The following CCT8L2 variants were observed in gnomAD, a reference collection of about 807,000 sequenced individuals.
The protein encoded by CCT8L2 is T-complex protein 1 subunit theta-like 2.
In CCT8L2, 29 loss-of-function variants were observed where a neutral mutation model predicts 31.5. The observed-to-expected ratio is 0.92, with a 90% confidence interval of 0.68 to 1.25. The LOEUF (loss-of-function observed/expected upper bound fraction) is 1.25, where lower values mean the gene tolerates loss of function less well. CCT8L2 is among the 50% of genes most tolerant of loss of function. The probability of loss-of-function intolerance (pLI) is 0.00; values close to 1 mark genes in which losing one functional copy is unlikely to be tolerated. For synonymous variants in CCT8L2, 256 were observed against 290.1 expected (o/e 0.88, Z 1.19); for missense variants, 589 against 695.7 (o/e 0.85, Z 1.73).
rs1473367378 is a variant in CCT8L2, at chr22:16,591,062, G to A, written c.1489C>T (p.Leu497=). 1.2e-6 allele frequency: 2 copies of A among 1,613,952 alleles called. No homozygotes were observed. The highest frequency in any genetic ancestry group is 1.3e-5 in the African/African-American group (1 of 75,036). ...NVAQEGVWDT[L]IVKAQGFRAV... ...CGAAATCCTTGGGCTTTGACTATTA[G>A]GGTGTCCCACACCCCTTCCTGGGCC... The change falls in exon 1 of 1, where the codon CTA becomes TTA. Residue 497 remains leucine (L), a synonymous_variant. Coordinates refer to ENST00000359963, the MANE Select transcript of CCT8L2 (RefSeq NM_014406.5).
Position 16,591,093 on chromosome 22 carries a change from T to C in CCT8L2, c.1458A>G (p.Ile486Met). Residue 486 changes from isoleucine to methionine, a missense_variant, in exon 1 of 1, where the codon ATA becomes ATG. By Grantham distance (10) the Ile-to-Met change is conservative. Coordinates refer to ENST00000359963, the MANE Select transcript of CCT8L2 (RefSeq NM_014406.5). ...CCCACACCCCTTCCTGGGCCACATTTATTATCCCTTCAGTTCCCACACCCA... is the reference window on the plus strand; with the variant it reads ...CCCACACCCCTTCCTGGGCCACATTCATTATCCCTTCAGTTCCCACACCCA... The part of the protein sequence containing the change: ...LLMGVGTEGI[I>M]NVAQEGVWDT... The C allele has an allele frequency of 6.2e-7, 1 of 1,614,014 alleles. No individual in the cohort carries two copies. The highest frequency in any genetic ancestry group is 8.5e-7 in the Non-Finnish European group (1 of 1,179,866).
In CCT8L2 at chr22:16,591,173, C is replaced by G. The variant is rs747634629; in HGVS notation, c.1378G>C (p.Val460Leu). ...CTCATTTCTGCCATCACGTCTGAGA[C>G]AGCTAAGCCTGCATTCTCTGCCAAA... ...KTLAENAGLA[V>L]SDVMAEMSGV... is the part of the protein sequence containing the mutation. Residue 460 changes from valine to leucine, a missense_variant, in exon 1 of 1, where the codon GTC becomes CTC. By Grantham distance (32) the Val-to-Leu change is conservative. Coordinates refer to ENST00000359963, the MANE Select transcript of CCT8L2 (RefSeq NM_014406.5). 5 of 1,613,952 alleles carry G rather than the reference C, an allele frequency of 3.1e-6. No homozygotes were observed. Among genetic ancestry groups the G allele is most frequent in the Non-Finnish European group, 4.2e-6 (5 of 1,179,896 alleles).
rs781004037 is a variant in CCT8L2 at position 16,591,965 on chromosome 22, C to T, written c.586G>A (p.Gly196Ser). Residue 196 changes from glycine to serine, a missense_variant, in exon 1 of 1, where the codon GGC becomes AGC. Gly to Ser is a moderately conservative substitution (Grantham distance 56). Transcript: ENST00000359963. ...CCAACACGCTCAGGCTTGAAGCTGC[C>T]GTCTAGTTCCTTGATAGCCCAGCAG... ...HACWAIKELD[G>S]SFKPERVGVC... The T allele has an allele frequency of 1.9e-6, 3 of 1,614,018 alleles. No homozygotes were observed. Among genetic ancestry groups the T allele is most frequent in the Non-Finnish European group, 1.7e-6 (2 of 1,180,020 alleles).
In CCT8L2 at chr22:16,592,459, G is replaced by A. The variant is rs143019812; in HGVS notation, c.92C>T (p.Pro31Leu). 2.5e-6 allele frequency: 4 copies of A among 1,614,144 alleles called. No homozygotes were observed. The highest frequency in any genetic ancestry group is 2.2e-5 in the East Asian group (1 of 44,876). Reference protein sequence around the residue: ...ESPRSPEEEEPHLLSSLAAVQ... With the variant: ...ESPRSPEEEELHLLSSLAAVQ... ...TGCAGCCAAGCTGCTCAGCAGGTGG[G>A]GCTCCTCCTCTTCTGGACTCCTCGG... The change falls in exon 1 of 1, where the codon CCC becomes CTC. Residue 31 changes from proline to leucine, a missense_variant. Pro to Leu is a moderately conservative substitution (Grantham distance 98, BLOSUM62 -3). Transcript: ENST00000359963.
At position 16,591,980 on chromosome 22, in the gene CCT8L2, T is replaced by C; in HGVS notation, c.571A>G (p.Ile191Val). The C allele has an allele frequency of 1.9e-6, 3 of 1,614,132 alleles. No individual in the cohort carries two copies. The highest frequency in any genetic ancestry group is 4.5e-5 in the East Asian group (2 of 44,880). Residue 191 changes from isoleucine to valine, a missense_variant, in exon 1 of 1, where the codon ATC (isoleucine) becomes GTC (valine). Physicochemically the swap from Ile to Val is conservative, Grantham distance 29. Transcript: ENST00000359963. ...TTGAAGCTGCCGTCTAGTTCCTTGA[T>C]AGCCCAGCAGGCGTGGGCCACCAGC... is the stretch of plus-strand genomic sequence containing the variant. ...TKLVAHACWAIKELDGSFKPE... is the reference protein window; with the variant it reads ...TKLVAHACWAVKELDGSFKPE...
At position 16,590,991 on chromosome 22, in the gene CCT8L2, G is replaced by T. The variant is rs529271182; in HGVS notation, c.1560C>A (p.Ile520=). Residue 520 remains isoleucine, a synonymous_variant, in exon 1 of 1, where the codon ATC becomes ATA. Transcript: ENST00000359963. The stretch of plus-strand genomic sequence containing the variant: ...GTGTGGGACTTTTCTTGGCCACTAC[G>T]ATTTCATCTACAGTCACGAGCTGTA... ...VVLQLVTVDE[I]VVAKKSPTHQ... The T allele has an allele frequency of 1.9e-6, 3 of 1,613,740 alleles. No individual in the cohort carries two copies. Among genetic ancestry groups the T allele is most frequent in the Non-Finnish European group, 2.5e-6 (3 of 1,179,854 alleles).
rs762139620 is a variant in CCT8L2, at chr22:16,592,225, A to G, written c.326T>C (p.Val109Ala). ...ENSGDGTAFVVLLTEALLEQA... is the reference protein window; with the variant it reads ...ENSGDGTAFVALLTEALLEQA... ...TTCCAGCAAGGCTTCCGTCAGCAGA[A>G]CCACGAAGGCTGTGCCGTCCCCACT... Residue 109 changes from valine (V) to alanine (A), a missense_variant, in exon 1 of 1, where the codon GTT becomes GCT. By Grantham distance (64) the Val-to-Ala change is moderately conservative (BLOSUM62 0). Transcript: ENST00000359963. 20 of 1,614,090 alleles carry G rather than the reference A, an allele frequency of 1.2e-5. No homozygotes were observed. The highest frequency in any genetic ancestry group is 1.0e-4 in the Admixed American group (6 of 59,998).
chr22:16,591,286 A>T lies in CCT8L2; in HGVS notation c.1265T>A (p.Met422Lys), dbSNP rs1568981662. ...CAATCTGCTTCCTTTATCAGAAAGC[A>T]TTTTTGCCAAAGCCATTTCTGTGGC... ...AGATEMALAKMLSDKGSRLEG... is the reference protein window; with the variant it reads ...AGATEMALAKKLSDKGSRLEG... The change falls in exon 1 of 1, where the codon ATG becomes AAG. Residue 422 changes from methionine (M) to lysine (K), a missense_variant. By Grantham distance (95) the Met-to-Lys change is moderately conservative. Transcript: ENST00000359963. 1.9e-6 allele frequency: 3 copies of T among 1,613,920 alleles called. No individual in the cohort carries two copies. Among genetic ancestry groups the T allele is most frequent in the Non-Finnish European group, 8.5e-7 (1 of 1,179,878 alleles).
Position 16,591,861 on chromosome 22 carries a change from C to A in CCT8L2, c.690G>T (p.Gly230=), listed in dbSNP as rs775238647. 5.0e-6 allele frequency: 8 copies of A among 1,614,054 alleles called. No individual in the cohort carries two copies. The highest frequency in any genetic ancestry group is 5.9e-6 in the Non-Finnish European group (7 of 1,180,038). ...PGLAISGKLC[G]QMATVLSGAR... is the part of the protein sequence containing the mutation. Reference sequence around the variant, plus strand: ...CACCACTTAACACTGTGGCCATTTGCCCACAGAGCTTCCCAGATATTGCTA... The same window carrying A: ...CACCACTTAACACTGTGGCCATTTGACCACAGAGCTTCCCAGATATTGCTA... The change falls in exon 1 of 1, where the codon GGG becomes GGT. Residue 230 remains glycine, a synonymous_variant. Transcript: ENST00000359963.
Position 16,590,827 on chromosome 22 carries a change from T to C in CCT8L2, c.*50A>G, listed in dbSNP as rs955969048. On this transcript the variant is annotated 3_prime_UTR_variant, in exon 1 of 1. Transcript: ENST00000359963. ...ACGGAATAAAGGCAAACATTCATTT[T>C]TGGGGTGATTGTTCCCTTCTTGGCA... 7.3e-6 allele frequency: 9 copies of C among 1,236,880 alleles called. No individual in the cohort carries two copies. The African/African-American group carries it at 9.1e-5, about 12-fold the overall frequency. The allele number at this position is 1,236,880 out of a possible 1,614,324, so 76.6% of individuals were successfully genotyped here. A position where few individuals can be genotyped will look rare whatever the true frequency, so the allele number is the denominator to read the frequency against.
Position 16,592,495 on chromosome 22 carries a change from G to C in CCT8L2, c.56C>G (p.Pro19Arg), listed in dbSNP as rs772770356. ...LELPQRLALN[P>R]RESPRSPEEE... The stretch of plus-strand genomic sequence containing the variant: ...TTCTGGACTCCTCGGGCTCTCCCTT[G>C]GGTTCAGTGCCAGCCGCTGGGGCAG... The change falls in exon 1 of 1, where the codon CCA becomes CGA. Residue 19 changes from proline to arginine, a missense_variant. Transcript: ENST00000359963. 1.2e-6 allele frequency: 2 copies of C among 1,614,060 alleles called. No homozygotes were observed. The highest frequency in any genetic ancestry group is 2.2e-5 in the South Asian group (2 of 91,078).
chr22:16,590,804 G>C lies in CCT8L2; in HGVS notation c.*73C>G, dbSNP rs181588099. On this transcript the variant is annotated 3_prime_UTR_variant, in exon 1 of 1. Coordinates refer to ENST00000359963, the MANE Select transcript of CCT8L2 (RefSeq NM_014406.5). Reference sequence around the variant, plus strand: ...AGAAAGTGAATCAAGTACCAAACACGGAATAAAGGCAAACATTCATTTTTG... The same window carrying C: ...AGAAAGTGAATCAAGTACCAAACACCGAATAAAGGCAAACATTCATTTTTG... 1 of 1,102,858 alleles carries C rather than the reference G, an allele frequency of 9.1e-7. No homozygotes were observed. Among genetic ancestry groups the C allele is most frequent in the African/African-American group, 1.6e-5 (1 of 63,488 alleles). 68.3% of individuals were successfully genotyped at this position (1,102,858 alleles called of 1,614,324 possible).
Position 16,592,475 on chromosome 22 carries a change from G to C in CCT8L2, c.76C>G (p.Pro26Ala). The C allele has an allele frequency of 6.2e-7, 1 of 1,614,128 alleles. No homozygotes were observed. The highest frequency in any genetic ancestry group is 8.5e-7 in the Non-Finnish European group (1 of 1,180,042). The change falls in exon 1 of 1, where the codon CCA (proline) becomes GCA (alanine). Residue 26 changes from proline to alanine, a missense_variant. Pro to Ala is a conservative substitution (Grantham distance 27). Transcript: ENST00000359963. ...AGCAGGTGGGGCTCCTCCTCTTCTG[G>C]ACTCCTCGGGCTCTCCCTTGGGTTC... ...ALNPRESPRSPEEEEPHLLSS... is the reference protein window; with the variant it reads ...ALNPRESPRSAEEEEPHLLSS...
rs568900408 is a variant in CCT8L2 at position 16,592,765 on chromosome 22, C to A, written c.-215G>T. ...CCAAAGAGCCCAGTCCTAAAGCCAC[C>A]CCAGGGTTGATTCTGTAAAGGAACT... On this transcript the variant is annotated 5_prime_UTR_variant, in exon 1 of 1. Transcript: ENST00000359963. The A allele has an allele frequency of 6.6e-5, 33 of 503,306 alleles. No homozygotes were observed. The Middle Eastern group carries it at 1.6e-3, about 24-fold the overall frequency. 31.2% of individuals were successfully genotyped at this position (503,306 alleles called of 1,614,324 possible). A position where few individuals can be genotyped will look rare whatever the true frequency, so the allele number is the denominator to read the frequency against.
rs753599015 is a variant in CCT8L2, at chr22:16,591,253, G to A, written c.1298C>T (p.Pro433Leu). ...AAATGCTAGGAATGCAGGCCCACTG[G>A]GCCCTTCCAATCTGCTTCCTTTATC... ...LSDKGSRLEG[P>L]SGPAFLAFAW... Residue 433 changes from proline (P) to leucine (L), a missense_variant, in exon 1 of 1, where the codon CCC becomes CTC. Physicochemically the swap from Pro to Leu is moderately conservative, Grantham distance 98. Transcript: ENST00000359963. The A allele has an allele frequency of 1.9e-6, 3 of 1,613,886 alleles. No individual in the cohort carries two copies. Among genetic ancestry groups the A allele is most frequent in the African/African-American group, 2.7e-5 (2 of 74,934 alleles).
Position 16,592,342 on chromosome 22 carries a change from G to C in CCT8L2, c.209C>G (p.Thr70Arg), listed in dbSNP as rs140295594. The C allele has an allele frequency of 6.2e-7, 1 of 1,614,070 alleles. No individual in the cohort carries two copies. Reference sequence around the variant, plus strand: ...CCTGAGGATGGCAGTGGCACACCCCGTGCACACTGTTTCTCCTTTCATGGT... The same window carrying C: ...CCTGAGGATGGCAGTGGCACACCCCCTGCACACTGTTTCTCCTTTCATGGT... ...LVTMKGETVC[T>R]GCATAILRAL... is the part of the protein sequence containing the mutation. The change falls in exon 1 of 1, where the codon ACG becomes AGG. Residue 70 changes from threonine to arginine, a missense_variant. By Grantham distance (71) the Thr-to-Arg change is moderately conservative. Coordinates refer to ENST00000359963, the MANE Select transcript of CCT8L2 (RefSeq NM_014406.5).
At position 16,591,561 on chromosome 22, in the gene CCT8L2, C is replaced by T; in HGVS notation, c.990G>A (p.Leu330=). 1.2e-6 allele frequency: 2 copies of T among 1,614,164 alleles called. No individual in the cohort carries two copies. Among genetic ancestry groups the T allele is most frequent in the Non-Finnish European group, 1.7e-6 (2 of 1,180,002 alleles). The change falls in exon 1 of 1, where the codon TTG becomes TTA. Residue 330 remains leucine (L), a synonymous_variant. Coordinates refer to ENST00000359963, the MANE Select transcript of CCT8L2 (RefSeq NM_014406.5). ...GCAGACGAGGCAGCAGAGGTGTGTCCAACACCTCACTCAGGTAAATGATCT... is the reference window on the plus strand; with the variant it reads ...GCAGACGAGGCAGCAGAGGTGTGTCTAACACCTCACTCAGGTAAATGATCT... ...WMEIIYLSEV[L]DTPLLPRLLP... is the part of the protein sequence containing the mutation.
rs370300531 is a variant in CCT8L2, at chr22:16,591,249, A to C, written c.1302T>G (p.Ser434Arg). 10 of 1,614,052 alleles carry C rather than the reference A, an allele frequency of 6.2e-6. No homozygotes were observed. Among genetic ancestry groups the C allele is most frequent in the Non-Finnish European group, 6.8e-6 (8 of 1,179,872 alleles). The change falls in exon 1 of 1, where the codon AGT (serine) becomes AGG (arginine). Residue 434 changes from serine to arginine, a missense_variant. Ser to Arg is a moderately radical substitution (Grantham distance 110). Coordinates refer to ENST00000359963, the MANE Select transcript of CCT8L2 (RefSeq NM_014406.5). ...AGGCAAATGCTAGGAATGCAGGCCC[A>C]CTGGGCCCTTCCAATCTGCTTCCTT... ...SDKGSRLEGPSGPAFLAFAWA... is the reference protein window; with the variant it reads ...SDKGSRLEGPRGPAFLAFAWA...
rs149623775 is a variant in CCT8L2 at position 16,592,153 on chromosome 22, C to A, written c.398G>T (p.Arg133Leu). Residue 133 changes from arginine to leucine, a missense_variant, in exon 1 of 1, where the codon CGG becomes CTG. Transcript: ENST00000359963. ...LKAGLPRPQL[R>L]EAYATATAEV... Reference sequence around the variant, plus strand: ...TGCAGTGGCCGTGGCGTAGGCCTCCCGGAGCTGCGGGCGAGGCAGGCCAGC... The same window carrying A: ...TGCAGTGGCCGTGGCGTAGGCCTCCAGGAGCTGCGGGCGAGGCAGGCCAGC... The A allele has an allele frequency of 5.6e-6, 9 of 1,614,108 alleles. No individual in the cohort carries two copies. The highest frequency in any genetic ancestry group is 7.6e-6 in the Non-Finnish European group (9 of 1,180,022).
Sources: allele counts gnomAD v4.1 joint callset, GRCh38; gene constraint gnomAD v4.1.1; transcripts MANE v1.5; gene names NCBI Gene and HGNC (gene_info 2026-07-23, HGNC 2026-07-21).